Variants in PPM1L observed in about 807,000 individuals in gnomAD.
PPM1L encodes the protein protein phosphatase 1L.
Under a neutral mutation model 31.4 loss-of-function variants are expected in PPM1L, and 13 were observed. The ratio of observed to expected loss-of-function variants is 0.41; its 90% CI spans 0.27 to 0.66. The LOEUF is 0.66. Among genes scored for constraint, PPM1L ranks in the 30% least tolerant of loss-of-function variants. PPM1L has a pLI of 0.29. For missense variants in PPM1L, 326 were observed against 453.7 expected (o/e 0.72, Z 2.56); for synonymous variants, 184 against 175.4 (o/e 1.05, Z -0.39).
chr3:160,843,315 C>T (rs866974674), intron 1 of PPM1L, among the ~76,000 whole-genome samples: 30 of 150,382 alleles, frequency 2.0e-4, no homozygotes, highest in African/African-American at 7.3e-4. Flanking sequence ...GTCCAACCCG[C>T]GGTCCATGTG....
At chr3:160,792,009 A>C (rs1712121985) in intron 1 of PPM1L, among the ~76,000 whole-genome samples, 1 of 152,124 alleles carries the variant, frequency 6.6e-6, no homozygotes. Flanking sequence ...TCACATGCCT[A>C]AGGTAGATGG....
chr3:160,986,867 T>C (rs1252798555), intron 2 of PPM1L, among the ~76,000 whole-genome samples: 2 of 152,232 alleles, frequency 1.3e-5, no homozygotes, highest in African/African-American at 4.8e-5. Context: ...GTTTCTTACA[T>C]ATTCTTTCTT....
chr3:160,941,611 G>A (rs560501628), intron 1 of PPM1L, among the ~76,000 whole-genome samples: 6 of 151,996 alleles, frequency 3.9e-5, no homozygotes, highest in East Asian at 1.9e-4. Context: ...TTCCCCTCCC[G>A]CGATGATTCT....
chr3:160,942,018 G>T (rs893266253), intron 1 of PPM1L, among the ~76,000 whole-genome samples: 3 of 152,140 alleles, frequency 2.0e-5, no homozygotes, highest in East Asian at 1.9e-4. Flanking sequence ...GGACAACCAC[G>T]CTTACTACTT....
chr3:161,024,441 G>A (rs1718323828), intron 2 of PPM1L, among the ~76,000 whole-genome samples: 1 of 152,142 alleles, frequency 6.6e-6, no homozygotes, highest in South Asian at 2.1e-4. Context: ...GCTCATGCCT[G>A]TAATCCCAGC....
chr3:161,005,123 G>T (rs546126846), intron 2 of PPM1L, among the ~76,000 whole-genome samples: 2 of 151,736 alleles, frequency 1.3e-5, no homozygotes, highest in Non-Finnish European at 1.5e-5. Flanking sequence ...GTTCTCATTG[G>T]TTTCAAAGAA....
chr3:160,811,269 C>T (rs1712796462), intron 1 of PPM1L, among the ~76,000 whole-genome samples: 1 of 152,190 alleles, frequency 6.6e-6, no homozygotes, highest in Non-Finnish European at 1.5e-5. Flanking sequence ...CCCCTCTTTT[C>T]TCCCCGTCTT....
chr3:160,957,960 T>G (rs1465530962), intron 1 of PPM1L, among the ~76,000 whole-genome samples: 1 of 152,252 alleles, frequency 6.6e-6, no homozygotes, highest in Non-Finnish European at 1.5e-5. Context: ...GTATGTGTTC[T>G]TTTGAAAAGT....
intron 2 of PPM1L, among the ~76,000 whole-genome samples, chr3:161,047,136 G>C (rs2108094804): frequency 6.6e-6 from 1 of 152,296 alleles, no homozygotes. Context: ...GCTAAGAAAA[G>C]AGGAAGTCAA....
intron 2 of PPM1L, among the ~76,000 whole-genome samples, chr3:160,972,807 G>A (rs1376507815): frequency 1.3e-5 from 2 of 152,028 alleles, no homozygotes; most frequent in Non-Finnish European, 2.9e-5. Context: ...CTAGTTTACA[G>A]TCCCACCAAC....
chr3:160,814,990 C>G (rs1042421789), intron 1 of PPM1L, among the ~76,000 whole-genome samples: 3 of 151,904 alleles, frequency 2.0e-5, no homozygotes, highest in Non-Finnish European at 4.4e-5. Context: ...AATGGACTTT[C>G]GGGATTCAGG....
At chr3:160,799,716 A>C (rs1712368088) in intron 1 of PPM1L, among the ~76,000 whole-genome samples, 1 of 152,118 alleles carries the variant, frequency 6.6e-6, no homozygotes, top group Non-Finnish European at 1.5e-5. Flanking sequence ...TCCCCTGCTT[A>C]TCCACGTGGC....
At chr3:160,992,439 A>G (rs1717163838) in intron 2 of PPM1L, among the ~76,000 whole-genome samples, 1 of 152,204 alleles carries the variant, frequency 6.6e-6, no homozygotes, top group Non-Finnish European at 1.5e-5. Flanking sequence ...ACTCTATCCA[A>G]CTAACAGAAA....
intron 1 of PPM1L, among the ~76,000 whole-genome samples, chr3:160,776,675 C>T (rs955314364): frequency 2.0e-5 from 3 of 150,350 alleles, no homozygotes; most frequent in Non-Finnish European, 4.4e-5. Flanking sequence ...AAGATCTCAG[C>T]TCACTGCAGC....
intron 2 of PPM1L, among the ~76,000 whole-genome samples, chr3:160,973,806 T>A (rs139617932): frequency 1.6e-5 from 2 of 122,402 alleles, no homozygotes; most frequent in African/African-American, 2.7e-5. Context: ...CCAAGACTTG[T>A]CTTTATTTTT....
chr3:160,992,098 C>T lies in PPM1L; in HGVS notation c.574+30188C>T, dbSNP rs567433741. Among the ~76,000 whole-genome samples the T allele has an allele frequency of 5.5e-4, 84 of 152,200 alleles. 1 individual carries two copies. In the South Asian group the frequency reaches 0.01, roughly 19 times the overall value. The stretch of plus-strand genomic sequence containing the variant: ...TTGTATAACTAGCAAAGCCAGAATT[C>T]GAACCCAGGAAATCTATATCTCCAG... On this transcript the variant is annotated intron_variant, in intron 2 of 3. Transcript: ENST00000498165.
chr3:161,067,250 C>T (rs1166992821), intron 3 of PPM1L, among the ~76,000 whole-genome samples: 1 of 152,192 alleles, frequency 6.6e-6, no homozygotes, highest in African/African-American at 2.4e-5. Flanking sequence ...CACGCCTGCA[C>T]CCTATGTTGA....
At chr3:160,871,038 A>C (rs972868545) in intron 1 of PPM1L, among the ~76,000 whole-genome samples, 1 of 152,210 alleles carries the variant, frequency 6.6e-6, no homozygotes, top group African/African-American at 2.4e-5. Flanking sequence ...TAAATAGATA[A>C]CTTCAAAGTA....
At position 160,966,959 on chromosome 3, in the gene PPM1L, C is replaced by T. The variant is rs534768539; in HGVS notation, c.574+5049C>T. On this transcript the variant is annotated intron_variant, in intron 2 of 3. Transcript: ENST00000498165. Reference sequence around the variant, plus strand: ...TAAACCAGTGTATTAATCCAGTCAGCCTGTGATATGGTTTGGCTGTGTCCC... The same window carrying T: ...TAAACCAGTGTATTAATCCAGTCAGTCTGTGATATGGTTTGGCTGTGTCCC... Among the ~76,000 whole-genome samples the T allele has an allele frequency of 2.3e-3, 350 of 152,118 alleles. 5 individuals carry two copies. Among genetic ancestry groups the T allele is most frequent in the Non-Finnish European group, 4.0e-3 (275 of 67,962 alleles).
Sources: gnomAD v4.1 joint callset for allele counts (sites outside exome capture counted in the v4.1 genomes callset) on GRCh38, gnomAD v4.1.1 for gene constraint, MANE v1.5 for transcripts, NCBI Gene and HGNC (gene_info 2026-07-23, HGNC 2026-07-21) for gene names.